Variants in WNT10A observed in about 807,000 individuals in gnomAD.
WNT10A encodes the protein protein Wnt-10a.
In WNT10A, 37 loss-of-function variants were observed where a neutral mutation model predicts 36.1. The ratio of observed to expected loss-of-function variants is 1.02; its 90% CI spans 0.79 to 1.35. The LOEUF is 1.35. WNT10A is among the 40% of genes most tolerant of loss of function. WNT10A has a pLI of 0.00. For missense variants in WNT10A, 613 were observed against 601.4 expected (o/e 1.02, Z -0.20); for synonymous variants, 255 against 254.1 (o/e 1.00, Z -0.03).
intron 2 of WNT10A, among the ~76,000 whole-genome samples, chr2:218,884,960 T>C (rs1037737986): frequency 2.6e-5 from 4 of 152,138 alleles, no homozygotes; most frequent in African/African-American, 9.7e-5. Context: ...TGGGTTGGGG[T>C]CCCAGGTCCC....
chr2:218,886,258 A>T (rs552450441), intron 2 of WNT10A, among the ~76,000 whole-genome samples: 1 of 152,276 alleles, frequency 6.6e-6, no homozygotes, highest in South Asian at 2.1e-4. Context: ...GTTTTTGCAT[A>T]TGTGTGGCTC....
At position 218,890,336 on chromosome 2, in the gene WNT10A, G is replaced by T. The variant is rs1944636438; in HGVS notation, c.729G>T (p.Arg243Ser). 3.7e-6 allele frequency: 6 copies of T among 1,600,528 alleles called. No homozygotes were observed. The highest frequency in any genetic ancestry group is 1.1e-5 in the South Asian group (1 of 91,086). Residue 243 changes from arginine to serine, a missense_variant, in exon 3 of 4, where the codon AGG becomes AGT. Transcript: ENST00000258411. Reference sequence around the variant, plus strand: ...ACAGAGACATCCACGCGAGAATGAGGCTTCACAACAACCGAGTTGGGAGGC... The same window carrying T: ...ACAGAGACATCCACGCGAGAATGAGTCTTCACAACAACCGAGTTGGGAGGC... ...EPHRDIHARMRLHNNRVGRQA... is the reference protein window; with the variant it reads ...EPHRDIHARMSLHNNRVGRQA...
intron 2 of WNT10A, among the ~76,000 whole-genome samples, chr2:218,885,805 G>A (rs1000373571): frequency 2.6e-5 from 4 of 152,218 alleles, no homozygotes; most frequent in African/African-American, 7.2e-5. Flanking sequence ...GGAAACCAAG[G>A]CATGGGCACT....
At chr2:218,874,418 C>G in the WNT10A span, among the ~76,000 whole-genome samples, 1 of 152,222 alleles carries the variant, frequency 6.6e-6, no homozygotes, top group African/African-American at 2.4e-5. Flanking sequence ...TGTCACACAT[C>G]TAGGTCCTGG....
In WNT10A at chr2:218,888,950, C is replaced by T. The variant is rs113236812; in HGVS notation, c.377-1034C>T. Among the ~76,000 whole-genome samples the T allele has an allele frequency of 3.9e-4, 59 of 152,200 alleles. 2 individuals carry two copies. Among genetic ancestry groups the T allele is most frequent in the African/African-American group, 1.3e-3 (56 of 41,512 alleles). ...TTTATTTATTTATTTCAATAGGTTTCTGGGGAACAGATGGTGTTTGGTTAC... is the reference window on the plus strand; with the variant it reads ...TTTATTTATTTATTTCAATAGGTTTTTGGGGAACAGATGGTGTTTGGTTAC... On this transcript the variant is annotated intron_variant, in intron 2 of 3. Coordinates refer to ENST00000258411, the MANE Select transcript of WNT10A (RefSeq NM_025216.3).
At chr2:218,885,890 GC>G (rs1944572073) in intron 2 of WNT10A, among the ~76,000 whole-genome samples, 1 of 152,202 alleles carries the variant, frequency 6.6e-6, no homozygotes, top group Non-Finnish European at 1.5e-5. Context: ...CTAAGCACCT[GC>G]TGTGTGTTAG....
At chr2:218,886,624 C>T (rs1249528167) in intron 2 of WNT10A, among the ~76,000 whole-genome samples, 1 of 137,102 alleles carries the variant, frequency 7.3e-6, no homozygotes, top group Non-Finnish European at 1.6e-5. Context: ...ACGAGCCGCC[C>T]CCCACCCACC....
At chr2:218,885,547 C>T (rs1273206475) in intron 2 of WNT10A, among the ~76,000 whole-genome samples, 1 of 152,176 alleles carries the variant, frequency 6.6e-6, no homozygotes, top group Admixed American at 6.5e-5. Flanking sequence ...TAGATTCACA[C>T]AGCAAGCCCT....
intron 3 of WNT10A, among the ~76,000 whole-genome samples, chr2:218,892,421 T>C (rs980399360): frequency 2.0e-5 from 3 of 147,084 alleles, no homozygotes; most frequent in African/African-American, 7.6e-5. Context: ...ACCCCAGGGG[T>C]GGCAGGAGAG....
In WNT10A at chr2:218,892,935, C is replaced by T. The variant is rs745513263; in HGVS notation, c.918C>T (p.Asn306=). 6.8e-7 allele frequency: 1 copy of T among 1,480,024 alleles called. No individual in the cohort carries two copies. The highest frequency in any genetic ancestry group is 1.3e-5 in the South Asian group (1 of 77,330). 91.7% of individuals were successfully genotyped at this position (1,480,024 alleles called of 1,614,324 possible). A position where few individuals can be genotyped will look rare whatever the true frequency, so the allele number is the denominator to read the frequency against. Residue 306 remains asparagine, a synonymous_variant, in exon 4 of 4, where the codon AAC becomes AAT. Coordinates refer to ENST00000258411, the MANE Select transcript of WNT10A (RefSeq NM_025216.3). ...CGCTCATCCGGCCGCACAACCGCAA[C>T]GGCGGCCAGCTGGAGCCGGGCCCAG... ...RATLIRPHNR[N]GGQLEPGPAG...
Position 218,893,445 on chromosome 2 carries a change from C to A in WNT10A, c.*174C>A. 1.1e-6 allele frequency: 1 copy of A among 875,346 alleles called. No homozygotes were observed. Among genetic ancestry groups the A allele is most frequent in the Non-Finnish European group, 1.7e-6 (1 of 599,478 alleles). 54.2% of individuals were successfully genotyped at this position (875,346 alleles called of 1,614,324 possible). A position where few individuals can be genotyped will look rare whatever the true frequency, so the allele number is the denominator to read the frequency against. On this transcript the variant is annotated 3_prime_UTR_variant, in exon 4 of 4. Transcript: ENST00000258411. This position sits in a 1 kb window ranked among gnomAD's most constrained non-coding sequence, Gnocchi z 6.3. ...GTCTGTGATCGCCGGACAGTCCAGG[C>A]CTGTCTGAACCCCACCACTCACTTC... is the stretch of plus-strand genomic sequence containing the variant.
chr2:218,880,776 GCCCGCTCTTCACCCCCCGCCCCC>G (rs1944501480), upstream of WNT10A: 1 of 489,292 alleles, frequency 2.0e-6, no homozygotes, highest in Admixed American at 4.3e-5. The surrounding 1 kb of genome is among the most constrained non-coding windows in gnomAD (Gnocchi z 7.7). Context: ...TGCCCGGTTC[GCCCGCTCTTCACCCCCCGCCCCC>G]CCCGAGGGCG....
At chr2:218,882,504 A>T in intron 2 of WNT10A, 81 bp downstream of exon 2, 1 of 1,566,608 alleles carries the variant, frequency 6.4e-7, no homozygotes, top group African/African-American at 1.4e-5. Flanking sequence ...TTTCTAACCC[A>T]CTGCCTCAAG....
Position 218,881,004 on chromosome 2 carries a change from C to T in WNT10A, c.9C>T (p.Ser3=). The change falls in exon 1 of 4, where the codon AGC becomes AGT. Residue 3 remains serine (S), a synonymous_variant. Transcript: ENST00000258411. ...GTCAGGGCCTGCGCGCCATGGGCAG[C>T]GCCCACCCTCGCCCCTGGCTGCGGC... The part of the protein sequence containing the change: MG[S]AHPRPWLRLR... 1.3e-6 allele frequency: 2 copies of T among 1,577,468 alleles called. No individual in the cohort carries two copies. The highest frequency in any genetic ancestry group is 1.7e-6 in the Non-Finnish European group (2 of 1,161,262).
chr2:218,890,111 G>C lies in WNT10A; in HGVS notation c.504G>C (p.Glu168Asp). The C allele has an allele frequency of 6.2e-7, 1 of 1,614,172 alleles. No individual in the cohort carries two copies. Among genetic ancestry groups the C allele is most frequent in the Non-Finnish European group, 8.5e-7 (1 of 1,180,036 alleles). Residue 168 changes from glutamate (E) to aspartate (D), a missense_variant, in exon 3 of 4, where the codon GAG (glutamate) becomes GAC (aspartate). Coordinates refer to ENST00000258411, the MANE Select transcript of WNT10A (RefSeq NM_025216.3). ...GCDASRRGDE[E>D]AFRRKLHRLQ... ...ATGCGTCCCGGCGAGGGGACGAGGA[G>C]GCCTTCCGTAGGAAGCTGCACCGCT...
In WNT10A at chr2:218,883,531, TCCCGC is replaced by T. The variant is rs1356504343; in HGVS notation, c.376+1127_376+1131del. Among the ~76,000 whole-genome samples the T allele has an allele frequency of 7.9e-3, 328 of 41,456 alleles. 5 individuals are homozygous for T. The East Asian group carries it at 0.092, about 12-fold the overall frequency. The allele number at this position is 41,456 out of a possible 152,430, so 27.2% of individuals were successfully genotyped here. ...GCCTCCACCAGCCCAGCCCCAGGCCTCCCGCCCCGCCCCGCCCCGCCCCCGCGCGC... is the reference window on the plus strand; with the variant it reads ...GCCTCCACCAGCCCAGCCCCAGGCCTCCCGCCCCGCCCCGCCCCCGCGCGC... On this transcript the variant is annotated intron_variant, in intron 2 of 3. Transcript: ENST00000258411.
chr2:218,890,299 C>T lies in WNT10A; in HGVS notation c.692C>T (p.Ser231Phe), dbSNP rs755459738. The T allele has an allele frequency of 3.7e-6, 6 of 1,605,886 alleles. No homozygotes were observed. The highest frequency in any genetic ancestry group is 4.2e-6 in the Non-Finnish European group (5 of 1,179,944). ...GERFSKDFLD[S>F]REPHRDIHAR... ...CGCTTTTCTAAGGACTTTCTGGACT[C>T]CCGGGAGCCTCACAGAGACATCCAC... The change falls in exon 3 of 4, where the codon TCC becomes TTC. Residue 231 changes from serine to phenylalanine, a missense_variant. Physicochemically the swap from Ser to Phe is radical, Grantham distance 155. Transcript: ENST00000258411.
At chr2:218,882,840 A>G (rs1306803142) in intron 2 of WNT10A, among the ~76,000 whole-genome samples, 1 of 152,254 alleles carries the variant, frequency 6.6e-6, no homozygotes, top group Non-Finnish European at 1.5e-5. Flanking sequence ...GACTTTGCCT[A>G]ATCGTGCAGA....
At position 218,890,044 on chromosome 2, in the gene WNT10A, C is replaced by G. The variant is rs759718991; in HGVS notation, c.437C>G (p.Ser146Cys). 37 of 1,614,040 alleles carry G rather than the reference C, an allele frequency of 2.3e-5. No individual in the cohort carries two copies. Among genetic ancestry groups the G allele is most frequent in the Non-Finnish European group, 3.1e-5 (37 of 1,180,044 alleles). Residue 146 changes from serine to cysteine, a missense_variant, in exon 3 of 4, where the codon TCC (serine) becomes TGC (cysteine). Coordinates refer to ENST00000258411, the MANE Select transcript of WNT10A (RefSeq NM_025216.3). ...IAAAGVVHAV[S>C]NACALGKLKA... ...GCAGCTGGCGTGGTGCACGCCGTGT[C>G]CAATGCGTGTGCCCTGGGCAAACTG...
Sources: gnomAD v4.1 joint callset for allele counts (sites outside exome capture counted in the v4.1 genomes callset) on GRCh38, gnomAD v4.1.1 for gene constraint, Gnocchi (gnomAD v3.1) non-coding constraint, MANE v1.5 for transcripts, NCBI Gene and HGNC (gene_info 2026-07-23, HGNC 2026-07-21) for gene names.